The following ACTN1 variants were observed in gnomAD, a reference collection of about 807,000 sequenced individuals.
ACTN1 encodes alpha-actinin-1.
Under a neutral mutation model 119.6 loss-of-function variants are expected in ACTN1, and 30 were observed. The observed-to-expected ratio is 0.25, with a 90% CI of 0.19 to 0.34. ACTN1 has a LOEUF of 0.34. Ranked by LOEUF, ACTN1 falls within the 10% of genes least tolerant of loss-of-function variation. The pLI, the probability that ACTN1 is intolerant of heterozygous loss-of-function variation, is 1.00. For missense variants in ACTN1, 764 were observed against 1,223.4 expected (o/e 0.62, Z 5.60); for synonymous variants, 429 against 472.6 (o/e 0.91, Z 1.20).
At chr14:68,945,163 C>CAAAAA (rs11408138) in intron 1 of ACTN1, among the ~76,000 whole-genome samples, 1 of 119,890 alleles carries the variant, frequency 8.3e-6, no homozygotes, top group Non-Finnish European at 1.7e-5. Flanking sequence ...GACTCCGGTT[C>CAAAAA]AAAAAAAAAA....
intron 8 of ACTN1, among the ~76,000 whole-genome samples, chr14:68,894,026 A>T (rs1033932338): frequency 6.6e-6 from 1 of 152,082 alleles, no homozygotes; most frequent in Non-Finnish European, 1.5e-5. Context: ...GCAGGTTGGG[A>T]AGAAACTAAT....
chr14:68,902,636 A>C (rs1296344216), intron 7 of ACTN1, 74 bp from the exon 8 acceptor site: 13 of 1,281,876 alleles, frequency 1.0e-5, no homozygotes, highest in Admixed American at 1.9e-5. Context: ...AGGCAGAAAG[A>C]AGCTCGCAGC....
intron 9 of ACTN1, among the ~76,000 whole-genome samples, chr14:68,892,810 G>T (rs2032593839): frequency 6.6e-6 from 1 of 152,082 alleles, no homozygotes; most frequent in Non-Finnish European, 1.5e-5. Context: ...GTTTTCCTTG[G>T]GCCAAGGTGA....
At chr14:68,948,245 T>C (rs2036005585) in intron 1 of ACTN1, among the ~76,000 whole-genome samples, 1 of 152,190 alleles carries the variant, frequency 6.6e-6, no homozygotes, top group Admixed American at 6.5e-5. Context: ...TTTATAACAA[T>C]GACCCCATTT....
At chr14:68,898,450 G>A (rs942682665) in intron 8 of ACTN1, among the ~76,000 whole-genome samples, 2 of 152,202 alleles carry the variant, frequency 1.3e-5, no homozygotes, top group Admixed American at 6.5e-5. Context: ...CACATTAGGC[G>A]CTGTTGCCTT....
chr14:68,969,005 C>A (rs2036793495), intron 1 of ACTN1, among the ~76,000 whole-genome samples: 1 of 152,164 alleles, frequency 6.6e-6, no homozygotes, highest in Non-Finnish European at 1.5e-5. Flanking sequence ...AGGTACAGGC[C>A]CCCCAGCCAG....
intron 1 of ACTN1, among the ~76,000 whole-genome samples, chr14:68,931,892 A>G (rs2035237952): frequency 6.6e-6 from 1 of 152,124 alleles, no homozygotes; most frequent in African/African-American, 2.4e-5. Flanking sequence ...CGGCAAGGGC[A>G]CTGGGGAAGG....
intron 8 of ACTN1, among the ~76,000 whole-genome samples, chr14:68,898,631 G>A (rs557200683): frequency 2.0e-5 from 3 of 152,040 alleles, no homozygotes; most frequent in Non-Finnish European, 2.9e-5. Context: ...CACACAAGGC[G>A]AGGTAGGGTT....
At chr14:68,934,372 G>A (rs2035383309) in intron 1 of ACTN1, among the ~76,000 whole-genome samples, 1 of 152,242 alleles carries the variant, frequency 6.6e-6, no homozygotes, top group Admixed American at 6.5e-5. Flanking sequence ...TGTCACAAGG[G>A]CCTGTGGTTA....
At position 68,884,333 on chromosome 14, in the gene ACTN1, G is replaced by T. The variant is rs138244454; in HGVS notation, c.1495-25C>A. 1.7e-4 allele frequency: 272 copies of T among 1,609,750 alleles called. 2 individuals are homozygous for T. The African/African-American group carries it at 2.8e-3, about 16-fold the overall frequency. ...GCTGGGAGTGCCAAATAGGGTAAGG[G>T]TTAGTACAGTGATGTCCAGAATCAT... On this transcript the variant is annotated intron_variant, in intron 13 of 21. Coordinates refer to ENST00000394419, the MANE Select transcript of ACTN1 (RefSeq NM_001130004.2).
chr14:68,920,043 A>T (rs2034556829), intron 3 of ACTN1, among the ~76,000 whole-genome samples: 1 of 152,196 alleles, frequency 6.6e-6, no homozygotes. Flanking sequence ...GCCCCCTCCA[A>T]GGGAAGGCCA....
chr14:68,924,567 C>T (rs139351380), intron 2 of ACTN1, among the ~76,000 whole-genome samples: 151 of 152,312 alleles, frequency 9.9e-4, no homozygotes, highest in African/African-American at 3.4e-3. Context: ...AGAGGCACCG[C>T]GGGCTGAGGG....
chr14:68,879,949 A>G lies in ACTN1; in HGVS notation c.2280+13T>C, dbSNP rs1464033169. On this transcript the variant is annotated intron_variant, in intron 18 of 21. Coordinates refer to ENST00000394419, the MANE Select transcript of ACTN1 (RefSeq NM_001130004.2). This position sits in a 1 kb window ranked among gnomAD's most constrained non-coding sequence, Gnocchi z 4.9. ...GGGGGCTGCACTAAGAAAGCACAGGATGGGGCTCTCACCCGGTCAAAGTGG... is the reference window on the plus strand; with the variant it reads ...GGGGGCTGCACTAAGAAAGCACAGGGTGGGGCTCTCACCCGGTCAAAGTGG... 1 of 1,613,648 alleles carries G rather than the reference A, an allele frequency of 6.2e-7. No homozygotes were observed. The highest frequency in any genetic ancestry group is 1.1e-5 in the South Asian group (1 of 91,056).
At chr14:68,951,447 C>T (rs1220317446) in intron 1 of ACTN1, among the ~76,000 whole-genome samples, 1 of 152,180 alleles carries the variant, frequency 6.6e-6, no homozygotes, top group Admixed American at 6.5e-5. Context: ...ATGGACAAGA[C>T]AGGGCCTTCT....
chr14:68,929,065 G>A (rs113873013), intron 1 of ACTN1, among the ~76,000 whole-genome samples: 14 of 149,816 alleles, frequency 9.3e-5, no homozygotes, highest in African/African-American at 3.4e-4. Flanking sequence ...AACTGTGGCG[G>A]GTTCGTGGGA....
chr14:68,943,538 C>G (rs72733540), intron 1 of ACTN1, among the ~76,000 whole-genome samples: 23,182 of 152,150 alleles, frequency 0.15, 2,416 homozygotes, highest in African/African-American at 0.29. Context: ...CCCCCTCCCC[C>G]CAACCTTGAA....
At chr14:68,930,379 C>T (rs760528185) in intron 1 of ACTN1, among the ~76,000 whole-genome samples, 21 of 152,128 alleles carry the variant, frequency 1.4e-4, no homozygotes, top group Non-Finnish European at 2.5e-4. Flanking sequence ...TAGTTCCTAC[C>T]GTCATCATCA....
chr14:68,936,213 C>CA (rs1490253190), intron 1 of ACTN1, among the ~76,000 whole-genome samples: 1 of 152,066 alleles, frequency 6.6e-6, no homozygotes, highest in African/African-American at 2.4e-5. Flanking sequence ...CAAAGAAAGC[C>CA]AAAAAATTTC....
Position 68,880,891 on chromosome 14 carries a change from C to T in ACTN1, c.2052G>A (p.Lys684=), listed in dbSNP as rs774516931. The change falls in exon 17 of 22, where the codon AAG becomes AAA. Residue 684 remains lysine (K), a synonymous_variant. Transcript: ENST00000394419. This position sits in a 1 kb window ranked among gnomAD's most constrained non-coding sequence, Gnocchi z 4.6. ...GGTGGTCGCCCTCCAGCTGATCAAT[C>T]TTTGGCTTGTAGTTGACGATGCTCT... ...YEKSIVNYKP[K]IDQLEGDHQL... The T allele has an allele frequency of 6.2e-7, 1 of 1,614,108 alleles. No individual in the cohort carries two copies. Among genetic ancestry groups the T allele is most frequent in the Non-Finnish European group, 8.5e-7 (1 of 1,179,988 alleles).
Sources: gnomAD v4.1 joint callset for allele counts (sites outside exome capture counted in the v4.1 genomes callset) on GRCh38, gnomAD v4.1.1 for gene constraint, Gnocchi (gnomAD v3.1) non-coding constraint, MANE v1.5 for transcripts, NCBI Gene and HGNC (gene_info 2026-07-23, HGNC 2026-07-21) for gene names.